The following P2RX1 variants were observed in gnomAD, a reference collection of about 807,000 sequenced individuals.
The protein encoded by P2RX1 is P2X purinoceptor 1.
Under a neutral mutation model 50.3 loss-of-function variants are expected in P2RX1, and 42 were observed. The observed-to-expected ratio is 0.83, with a 90% confidence interval of 0.65 to 1.08. P2RX1 has a LOEUF of 1.08. P2RX1 is among the 50% of genes least tolerant of loss of function. The probability of loss-of-function intolerance (pLI) is 0.00; values close to 1 mark genes in which losing one functional copy is unlikely to be tolerated. For synonymous variants in P2RX1, 199 were observed against 202.6 expected (o/e 0.98, Z 0.15); for missense variants, 449 against 529.0 (o/e 0.85, Z 1.48).
chr17:3,915,494 G>A (rs2875751), intron 1 of P2RX1: 315,238 of 456,392 alleles, frequency 0.69, 110,691 homozygotes, highest in East Asian at 0.94. Context: ...GGACAGGTCC[G>A]GAGATGCCCA....
rs762882710 is a variant in P2RX1 at position 3,899,002 on chromosome 17, T to C, written c.898A>G (p.Asn300Asp). ...AAGAGGTGACGGTAGTTGGTCCCGT[T>C]CTCCACAAAGTGCCTGGCAAACCTT... ...NFRFARHFVE[N>D]GTNYRHLFKV... The change falls in exon 9 of 12, where the codon AAC becomes GAC. Residue 300 changes from asparagine (N) to aspartate (D), a missense_variant. Transcript: ENST00000225538. The C allele has an allele frequency of 9.9e-6, 16 of 1,612,404 alleles. No individual in the cohort carries two copies. The highest frequency in any genetic ancestry group is 5.1e-6 in the Non-Finnish European group (6 of 1,179,556).
At chr17:3,908,897 C>T (rs2056314149) in intron 1 of P2RX1, among the ~76,000 whole-genome samples, 1 of 152,206 alleles carries the variant, frequency 6.6e-6, no homozygotes, top group Non-Finnish European at 1.5e-5. Flanking sequence ...CTGGTTTTCT[C>T]AATAAAACAG....
intron 3 of P2RX1, chr17:3,904,635 C>T: frequency 1.6e-6 from 1 of 627,630 alleles, no homozygotes; most frequent in South Asian, 1.9e-5. Flanking sequence ...TGGGGGTGGG[C>T]ACGAAGTCTC....
Position 3,903,647 on chromosome 17 carries a change from C to T in P2RX1, c.525-16G>A, listed in dbSNP as rs563667749. 4.5e-5 allele frequency: 72 copies of T among 1,612,444 alleles called. 1 individual carries two copies. In the Middle Eastern group the frequency reaches 5.0e-4, roughly 11 times the overall value. On this transcript the variant is annotated splice_polypyrimidine_tract_variant and intron_variant, in intron 5 of 11. Transcript: ENST00000225538. This position sits in a 1 kb window ranked among gnomAD's most constrained non-coding sequence, Gnocchi z 4.6. ...AAGGGCAGGGCTGGAGGACACCACA[C>T]GCACTCACCGCCCCTCCCCAGGAGG... is the stretch of plus-strand genomic sequence containing the variant.
At chr17:3,904,963 G>A in intron 2 of P2RX1, 34 bp from the exon 3 acceptor site, 2 of 435,320 alleles carry the variant, frequency 4.6e-6, no homozygotes, top group South Asian at 1.6e-5. Flanking sequence ...GGTGGGGTGG[G>A]CTGGGAGCTG....
At position 3,899,634 on chromosome 17, in the gene P2RX1, C is replaced by T; in HGVS notation, c.875G>A (p.Arg292Lys). 1 of 1,613,144 alleles carries T rather than the reference C, an allele frequency of 6.2e-7. No individual in the cohort carries two copies. The change falls in exon 8 of 12, where the codon AGG becomes AAG. Residue 292 changes from arginine to lysine, a missense_variant and splice_region_variant. Arg to Lys is a conservative substitution (Grantham distance 26). Coordinates refer to ENST00000225538, the MANE Select transcript of P2RX1 (RefSeq NM_002558.4). ...GTGCTGCTGGGGGCCTGGCAGACAC[C>T]TGAAGTTGAAGCCTGGGGAGAGATT... ...EKNLSPGFNFRFARHFVENGT... is the reference protein window; with the variant it reads ...EKNLSPGFNFKFARHFVENGT...
In P2RX1 at chr17:3,897,791, A is replaced by G. The variant is rs1208727904; in HGVS notation, c.*23T>C. 1.2e-6 allele frequency: 2 copies of G among 1,609,552 alleles called. No individual in the cohort carries two copies. Among genetic ancestry groups the G allele is most frequent in the South Asian group, 1.1e-5 (1 of 90,878 alleles). ...CAGGCTGAAGCCTCACGCTGCACCC[A>G]GTCAGGAGTTGGGGCCCGAGCATCA... On this transcript the variant is annotated 3_prime_UTR_variant, in exon 12 of 12. Transcript: ENST00000225538.
Position 3,906,366 on chromosome 17 carries a change from A to C in P2RX1, c.138-999T>G, listed in dbSNP as rs536440748. On this transcript the variant is annotated intron_variant, in intron 1 of 11. Transcript: ENST00000225538. The stretch of plus-strand genomic sequence containing the variant: ...CAGGATGTTCTCGATCTCTTGACCT[A>C]GTGATCCGCCCGCCTCGGCCTCCCA... 3.3e-3 allele frequency among the ~76,000 whole-genome samples: 496 copies of C among 152,226 alleles called. 4 individuals carry two copies. Among genetic ancestry groups the C allele is most frequent in the Non-Finnish European group, 5.8e-3 (393 of 68,006 alleles).
intron 1 of P2RX1, among the ~76,000 whole-genome samples, chr17:3,912,394 G>C (rs964826185): frequency 1.3e-5 from 2 of 151,614 alleles, no homozygotes; most frequent in South Asian, 2.1e-4. Flanking sequence ...GCAGTGGTGC[G>C]ATCTCGGCTC....
chr17:3,900,638 G>A (rs187426562), intron 7 of P2RX1, among the ~76,000 whole-genome samples: 14 of 152,230 alleles, frequency 9.2e-5, no homozygotes, highest in African/African-American at 3.4e-4. Context: ...TTGTAACCCA[G>A]ATACGTCCTT....
intron 1 of P2RX1, among the ~76,000 whole-genome samples, chr17:3,906,388 C>T (rs2144029075): frequency 6.6e-6 from 1 of 152,312 alleles, no homozygotes; most frequent in Middle Eastern, 3.4e-3. Context: ...GCCTCGGCCT[C>T]CCAAAGTGCT....
In P2RX1 at chr17:3,903,865, C is replaced by T. The variant is rs1298989322; in HGVS notation, c.524+63G>A. The T allele has an allele frequency of 2.0e-5, 27 of 1,377,130 alleles. No homozygotes were observed. The Admixed American group carries it at 2.9e-4, about 15-fold the overall frequency. The allele number at this position is 1,377,130 out of a possible 1,614,324, so 85.3% of individuals were successfully genotyped here. On this transcript the variant is annotated intron_variant, in intron 5 of 11. Coordinates refer to ENST00000225538, the MANE Select transcript of P2RX1 (RefSeq NM_002558.4). This position sits in a 1 kb window ranked among gnomAD's most constrained non-coding sequence, Gnocchi z 4.6. ...AAAGGGGTAAAGATCCTTTCTAGAC[C>T]TAGGCCCCCCTCTGTCTGGCCTGGG...
rs1231317503 is a variant in P2RX1 at position 3,914,557 on chromosome 17, G to C, written c.137+1532C>G. Among the ~76,000 whole-genome samples the C allele has an allele frequency of 6.6e-6, 1 of 152,170 alleles. No homozygotes were observed. The highest frequency in any genetic ancestry group is 1.5e-5 in the Non-Finnish European group (1 of 68,036). On this transcript the variant is annotated intron_variant, in intron 1 of 11. Coordinates refer to ENST00000225538, the MANE Select transcript of P2RX1 (RefSeq NM_002558.4). The surrounding 1 kb of genome is among the most constrained non-coding windows in gnomAD (Gnocchi z 4.1). ...GCAGAGAGAGGACAGCCTTCCCCCA[G>C]CCTCTTCCAGCAAGGGTAGGCTGGG...
intron 1 of P2RX1, among the ~76,000 whole-genome samples, chr17:3,912,162 C>G (rs2056376407): frequency 6.6e-6 from 1 of 152,148 alleles, no homozygotes; most frequent in African/African-American, 2.4e-5. Flanking sequence ...AGAACCAAGA[C>G]TGGACCCGCA....
At chr17:3,908,363 C>G (rs1230981872) in intron 1 of P2RX1, among the ~76,000 whole-genome samples, 1 of 152,076 alleles carries the variant, frequency 6.6e-6, no homozygotes, top group Non-Finnish European at 1.5e-5. Context: ...GAGTTCAAGA[C>G]CAGCTTGGCC....
At chr17:3,907,024 C>G (rs1343474707) in intron 1 of P2RX1, among the ~76,000 whole-genome samples, 1 of 152,150 alleles carries the variant, frequency 6.6e-6, no homozygotes, top group Non-Finnish European at 1.5e-5. Context: ...ATGAAGCTCT[C>G]CTAGAGGAAA....
Position 3,896,837 on chromosome 17 carries a change from G to A in P2RX1, c.*977C>T, listed in dbSNP as rs1187897179. On this transcript the variant is annotated 3_prime_UTR_variant, in exon 12 of 12. Coordinates refer to ENST00000225538, the MANE Select transcript of P2RX1 (RefSeq NM_002558.4). Reference sequence around the variant, plus strand: ...GTGACATGGCACGGACCATGTGTGTGTGCTTGGGGGTGTAGATGTGTGTAG... The same window carrying A: ...GTGACATGGCACGGACCATGTGTGTATGCTTGGGGGTGTAGATGTGTGTAG... The A allele has an allele frequency of 6.6e-6, 1 of 152,394 alleles. No homozygotes were observed. The highest frequency in any genetic ancestry group is 1.5e-5 in the Non-Finnish European group (1 of 68,146). The allele number at this position is 152,394 out of a possible 1,614,324, so 9.4% of individuals were successfully genotyped here. A position where few individuals can be genotyped will look rare whatever the true frequency, so the allele number is the denominator to read the frequency against.
Position 3,899,874 on chromosome 17 carries a change from G to A in P2RX1, c.748-113C>T, listed in dbSNP as rs180952465. 396 of 1,323,712 alleles carry A rather than the reference G, an allele frequency of 3.0e-4. 2 individuals are homozygous for A. The East Asian group carries it at 7.9e-3, about 26-fold the overall frequency. The allele number at this position is 1,323,712 out of a possible 1,614,324, so 82.0% of individuals were successfully genotyped here. ...CCAGCACTTTGGGAGGCAGAGGCGGGTGGATCACCTGAGGCCAGGAGTTCA... is the reference window on the plus strand; with the variant it reads ...CCAGCACTTTGGGAGGCAGAGGCGGATGGATCACCTGAGGCCAGGAGTTCA... On this transcript the variant is annotated intron_variant, in intron 7 of 11. Coordinates refer to ENST00000225538, the MANE Select transcript of P2RX1 (RefSeq NM_002558.4).
intron 1 of P2RX1, among the ~76,000 whole-genome samples, chr17:3,905,829 A>T (rs1254330553): frequency 6.8e-6 from 1 of 147,314 alleles, no homozygotes. Flanking sequence ...CCTGGGCGAC[A>T]AGAGCAAAAT....
Sources: gnomAD v4.1 joint callset for allele counts (sites outside exome capture counted in the v4.1 genomes callset) on GRCh38, gnomAD v4.1.1 for gene constraint, Gnocchi (gnomAD v3.1) non-coding constraint, MANE v1.5 for transcripts, NCBI Gene and HGNC (gene_info 2026-07-23, HGNC 2026-07-21) for gene names.